Variants in CCDC39 observed in about 807,000 individuals in gnomAD.
The protein encoded by CCDC39 is coiled-coil domain-containing protein 39.
In CCDC39, 113 loss-of-function variants were observed where a neutral mutation model predicts 121.0. The observed-to-expected ratio is 0.93, with a 90% CI of 0.80 to 1.09. CCDC39 has a LOEUF of 1.09. Among genes scored for constraint, CCDC39 ranks in the 50% least tolerant of loss-of-function variants. The probability of loss-of-function intolerance (pLI) is 0.00; values close to 1 mark genes in which losing one functional copy is unlikely to be tolerated. For missense variants in CCDC39, 1,063 were observed against 1,074.7 expected, an observed-to-expected ratio of 0.99 and a Z score of 0.15; for synonymous variants, 349 against 352.2, an observed-to-expected ratio of 0.99 and a Z score of 0.10.
intron 9 of CCDC39, among the ~76,000 whole-genome samples, chr3:180,651,165 A>G (rs899756492): frequency 2.6e-5 from 4 of 152,084 alleles, no homozygotes; most frequent in Non-Finnish European, 4.4e-5. Flanking sequence ...ATTGCACTTT[A>G]GCCTGGGCAA....
Position 180,642,080 on chromosome 3 carries a change from A to G in CCDC39, c.1787T>C (p.Met596Thr). ...CTTGATTTCTTCAGTTCGCTCTTCC[A>G]TTGCTGTGTATAATTGCTGTTTTCT... ...EKRKQQLYTA[M>T]EERTEEIKVH... is the part of the protein sequence containing the mutation. Residue 596 changes from methionine (M) to threonine (T), a missense_variant, in exon 13 of 20, where the codon ATG becomes ACG. Coordinates refer to ENST00000476379, the MANE Select transcript of CCDC39 (RefSeq NM_181426.2). 1.2e-6 allele frequency: 2 copies of G among 1,612,784 alleles called. No individual in the cohort carries two copies. The highest frequency in any genetic ancestry group is 1.3e-5 in the African/African-American group (1 of 74,994).
chr3:180,615,930 CT>C (rs1378216535), intron 19 of CCDC39, among the ~76,000 whole-genome samples: 2 of 152,144 alleles, frequency 1.3e-5, no homozygotes, highest in Non-Finnish European at 2.9e-5. Context: ...CTAAGCTGCC[CT>C]TACATGTTTT....
intron 6 of CCDC39, among the ~76,000 whole-genome samples, chr3:180,656,557 C>G (rs1711585002): frequency 1.3e-5 from 2 of 152,074 alleles, no homozygotes; most frequent in Admixed American, 1.3e-4. Context: ...GCATTTGAAC[C>G]ATAGCAACTC....
Position 180,658,372 on chromosome 3 carries a change from G to A in CCDC39, c.738+1080C>T, listed in dbSNP as rs1197648454. Among the ~76,000 whole-genome samples the A allele has an allele frequency of 1.5e-4, 22 of 151,698 alleles. No individual in the cohort carries two copies. In the East Asian group the frequency reaches 3.3e-3, roughly 23 times the overall value. Reference sequence around the variant, plus strand: ...GCACTTTGGGAGGCTGAGGCAGGTGGATCACGAGGTCAGGAGATCGAGACC... The same window carrying A: ...GCACTTTGGGAGGCTGAGGCAGGTGAATCACGAGGTCAGGAGATCGAGACC... On this transcript the variant is annotated intron_variant, in intron 6 of 19. Transcript: ENST00000476379.
At chr3:180,645,652 T>C (rs920423085) in intron 11 of CCDC39, among the ~76,000 whole-genome samples, 4 of 152,154 alleles carry the variant, frequency 2.6e-5, no homozygotes, top group East Asian at 1.9e-4. Flanking sequence ...ATTTTCTGTA[T>C]GTAAAATGAG....
At chr3:180,670,046 G>C (rs776066945) in intron 1 of CCDC39, among the ~76,000 whole-genome samples, 1 of 151,896 alleles carries the variant, frequency 6.6e-6, no homozygotes, top group Non-Finnish European at 1.5e-5. Context: ...CTGAATTAAC[G>C]AATCGATCGT....
chr3:180,657,145 C>T (rs1050974786), intron 6 of CCDC39, among the ~76,000 whole-genome samples: 2 of 152,126 alleles, frequency 1.3e-5, no homozygotes, highest in Non-Finnish European at 2.9e-5. Flanking sequence ...AATAATAAAA[C>T]CATAGAAATC....
chr3:180,659,404 A>G lies in CCDC39; in HGVS notation c.738+48T>C, dbSNP rs201935341. On this transcript the variant is annotated intron_variant, in intron 6 of 19. Coordinates refer to ENST00000476379, the MANE Select transcript of CCDC39 (RefSeq NM_181426.2). The stretch of plus-strand genomic sequence containing the variant: ...ATTTGGAATAATGAGTTAAATACAA[A>G]AGAGACAAATGCAGCTGAACATTAC... 593 of 1,601,352 alleles carry G rather than the reference A, an allele frequency of 3.7e-4. 1 individual carries two copies. The Middle Eastern group carries it at 4.5e-3, about 12-fold the overall frequency.
chr3:180,654,744 T>C lies in CCDC39; in HGVS notation c.930+18A>G. The C allele has an allele frequency of 6.4e-7, 1 of 1,571,944 alleles. No homozygotes were observed. The highest frequency in any genetic ancestry group is 1.7e-4 in the Middle Eastern group (1 of 5,974). ...TTTGTCGTGAACATACAAGCCAGTC[T>C]TTTTTGAGTTGACATACCTCACCCT... On this transcript the variant is annotated intron_variant, in intron 7 of 19. Coordinates refer to ENST00000476379, the MANE Select transcript of CCDC39 (RefSeq NM_181426.2).
At chr3:180,640,788 G>A (rs146089922) in intron 13 of CCDC39, among the ~76,000 whole-genome samples, 59 of 152,062 alleles carry the variant, frequency 3.9e-4, no homozygotes, top group African/African-American at 1.3e-3. Context: ...AGTTGAAAAT[G>A]TTCCCCCATA....
At chr3:180,666,879 GCA>G (rs752970659) in intron 1 of CCDC39, among the ~76,000 whole-genome samples, 1 of 150,154 alleles carries the variant, frequency 6.7e-6, no homozygotes, top group African/African-American at 2.4e-5. Flanking sequence ...TTACACATAC[GCA>G]CACACACACA....
chr3:180,619,856 A>C lies in CCDC39; in HGVS notation c.2113T>G (p.Cys705Gly). ...LENTLQVLNS[C>G]NNNYKQSFKK... ...AAAGATTGCTTATAATTGTTGTTAC[A>C]GCTGTTCAGCACTTGAAGGGTATTT... is the stretch of plus-strand genomic sequence containing the variant. Residue 705 changes from cysteine (C) to glycine (G), a missense_variant, in exon 15 of 20, where the codon TGT (cysteine) becomes GGT (glycine). Cys to Gly is a radical substitution (Grantham distance 159). Coordinates refer to ENST00000476379, the MANE Select transcript of CCDC39 (RefSeq NM_181426.2). 4 of 1,608,504 alleles carry C rather than the reference A, an allele frequency of 2.5e-6. No homozygotes were observed. The highest frequency in any genetic ancestry group is 3.4e-6 in the Non-Finnish European group (4 of 1,177,816).
intron 12 of CCDC39, among the ~76,000 whole-genome samples, chr3:180,642,983 G>A (rs1243431869): frequency 6.8e-6 from 1 of 148,042 alleles, no homozygotes; most frequent in Non-Finnish European, 1.5e-5. Flanking sequence ...TTTTTGAGAC[G>A]GAGTCTTACT....
rs1398070916 is a variant in CCDC39 at position 180,652,235 on chromosome 3, G to A, written c.962C>T (p.Thr321Ile). The A allele has an allele frequency of 6.5e-7, 1 of 1,533,902 alleles. No individual in the cohort carries two copies. The highest frequency in any genetic ancestry group is 1.4e-5 in the African/African-American group (1 of 72,356). ...CCTCAGAGCTTCTAAATCACTGGAAGTTCTATTCACAGTGGCTTTTAAAGA... is the reference window on the plus strand; with the variant it reads ...CCTCAGAGCTTCTAAATCACTGGAAATTCTATTCACAGTGGCTTTTAAAGA... ...LDSLKATVNR[T>I]SSDLEALRKN... is the part of the protein sequence containing the mutation. Residue 321 changes from threonine to isoleucine, a missense_variant, in exon 8 of 20, where the codon ACT (threonine) becomes ATT (isoleucine). By Grantham distance (89) the Thr-to-Ile change is moderately conservative (BLOSUM62 -1). Coordinates refer to ENST00000476379, the MANE Select transcript of CCDC39 (RefSeq NM_181426.2).
chr3:180,651,067 C>T (rs527681894), intron 9 of CCDC39, among the ~76,000 whole-genome samples: 4 of 151,848 alleles, frequency 2.6e-5, no homozygotes, highest in Admixed American at 2.6e-4. Context: ...TGGTTGCAGG[C>T]ACCTGTAATC....
chr3:180,656,264 A>G (rs1560091114), intron 6 of CCDC39, among the ~76,000 whole-genome samples: 1 of 152,186 alleles, frequency 6.6e-6, no homozygotes, highest in Non-Finnish European at 1.5e-5. Flanking sequence ...ATTCTACTTC[A>G]ACATCATACT....
At chr3:180,651,334 G>C in intron 9 of CCDC39, 67 bp downstream of exon 9, 3 of 1,293,876 alleles carry the variant, frequency 2.3e-6, no homozygotes, top group Non-Finnish European at 3.2e-6. Context: ...TCTGATCCTA[G>C]GAGTCTAATT....
intron 1 of CCDC39, among the ~76,000 whole-genome samples, chr3:180,677,246 A>G (rs1712262322): frequency 8.1e-6 from 1 of 124,060 alleles, no homozygotes; most frequent in Non-Finnish European, 1.6e-5. Context: ...CCTTCTTGCA[A>G]CAATCATTTG....
chr3:180,637,205 A>C (rs1717850353), intron 13 of CCDC39, among the ~76,000 whole-genome samples: 3 of 152,182 alleles, frequency 2.0e-5, no homozygotes, highest in Admixed American at 2.0e-4. Flanking sequence ...AATATCCAAC[A>C]TCTATAAGGA....
Sources: gnomAD v4.1 joint callset for allele counts (sites outside exome capture counted in the v4.1 genomes callset) on GRCh38, gnomAD v4.1.1 for gene constraint, MANE v1.5 for transcripts, NCBI Gene and HGNC (gene_info 2026-07-23, HGNC 2026-07-21) for gene names.